Variants in RBL1 observed in about 807,000 individuals in gnomAD.
RBL1 encodes the protein retinoblastoma-like protein 1.
Under a neutral mutation model 123.0 loss-of-function variants are expected in RBL1, and 82 were observed. The observed-to-expected ratio is 0.67, with a 90% confidence interval of 0.56 to 0.80. RBL1 has a LOEUF of 0.80. Among genes scored for constraint, RBL1 ranks in the 30% least tolerant of loss-of-function variants. The probability of loss-of-function intolerance (pLI) is 0.00; values close to 1 mark genes in which losing one functional copy is unlikely to be tolerated. For synonymous variants in RBL1, 405 were observed against 441.3 expected (o/e 0.92, Z 1.03); for missense variants, 1,171 against 1,299.6 (o/e 0.90, Z 1.52).
intron 21 of RBL1, among the ~76,000 whole-genome samples, chr20:36,999,669 T>C (rs1600425864): frequency 6.6e-6 from 1 of 152,270 alleles, no homozygotes; most frequent in East Asian, 1.9e-4. Flanking sequence ...TTTTCGTATT[T>C]TTTTGGTGGA....
intron 8 of RBL1, 31 bp downstream of exon 8, chr20:37,062,053 T>C: frequency 6.3e-7 from 1 of 1,574,832 alleles, no homozygotes; most frequent in Non-Finnish European, 8.6e-7. Flanking sequence ...AAAAGATCAT[T>C]CAAGATTGAG....
At chr20:37,048,659 C>T (rs552778142) in intron 11 of RBL1, among the ~76,000 whole-genome samples, 3 of 152,198 alleles carry the variant, frequency 2.0e-5, no homozygotes, top group East Asian at 3.9e-4. Flanking sequence ...CTTTTACTGC[C>T]TCATTCACAG....
At position 37,043,647 on chromosome 20, in the gene RBL1, G is replaced by A. The variant is rs536180155; in HGVS notation, c.1770+439C>T. Among the ~76,000 whole-genome samples, 93 of 152,120 alleles carry A rather than the reference G, an allele frequency of 6.1e-4. 1 individual carries two copies. The highest frequency in any genetic ancestry group is 2.1e-3 in the African/African-American group (87 of 41,476). On this transcript the variant is annotated intron_variant, in intron 13 of 21. Transcript: ENST00000373664. ...ATCTTTGTCCACTGCACACCAGCCC[G>A]GGCAAGAGTGAAACCCCGCCTTAAA...
intron 6 of RBL1, 51 bp downstream of exon 6, chr20:37,066,673 C>A: frequency 6.6e-7 from 1 of 1,524,562 alleles, no homozygotes; most frequent in Non-Finnish European, 8.9e-7. Flanking sequence ...TTTCTTTTCA[C>A]ATTACTGGTG....
intron 21 of RBL1, among the ~76,000 whole-genome samples, chr20:36,999,657 G>A (rs1015133237): frequency 6.6e-6 from 1 of 152,196 alleles, no homozygotes; most frequent in African/African-American, 2.4e-5. Flanking sequence ...ACGCCTGACT[G>A]GTTTTCGTAT....
chr20:37,005,890 CTTTCTTTTTTT>C (rs1568814346), intron 20 of RBL1, among the ~76,000 whole-genome samples: 2 of 102,266 alleles, frequency 2.0e-5, no homozygotes, highest in African/African-American at 8.9e-5. Context: ...TTTTTTTTTT[CTTTCTTTTTTT>C]TTTTTTTTTT....
intron 18 of RBL1, among the ~76,000 whole-genome samples, chr20:37,020,368 C>A (rs1397396236): frequency 6.6e-6 from 1 of 152,018 alleles, no homozygotes; most frequent in African/African-American, 2.4e-5. Flanking sequence ...GGATTACAGG[C>A]GTGAGACACC....
chr20:37,067,920 A>G (rs907761879), intron 3 of RBL1, 66 bp downstream of exon 3: 2 of 1,523,732 alleles, frequency 1.3e-6, no homozygotes, highest in South Asian at 2.6e-5. Flanking sequence ...CAGACTTTCA[A>G]AAAAGTATAT....
rs6093785 is a variant in RBL1 at position 37,003,877 on chromosome 20, C to A, written c.2872-11G>T. On this transcript the variant is annotated splice_polypyrimidine_tract_variant and intron_variant, in intron 20 of 21. Coordinates refer to ENST00000373664, the MANE Select transcript of RBL1 (RefSeq NM_002895.5). ...TGGTGGAGCATCCATCTAAAATAAC[C>A]CAAAAGTCAGATTTTTTAGATAAAA... 7,003 of 1,576,404 alleles carry A rather than the reference C, an allele frequency of 4.4e-3. 226 individuals are homozygous for A. The African/African-American group carries it at 0.081, about 18-fold the overall frequency.
intron 2 of RBL1, among the ~76,000 whole-genome samples, chr20:37,075,300 G>A (rs1442065023): frequency 6.6e-6 from 1 of 152,076 alleles, no homozygotes; most frequent in Non-Finnish European, 1.5e-5. Context: ...ACACAACTCT[G>A]TGAAAATACA....
intron 7 of RBL1, among the ~76,000 whole-genome samples, chr20:37,062,645 CAAAAAAAAAAAA>C (rs60370479): frequency 5.0e-5 from 2 of 40,092 alleles, no homozygotes; most frequent in East Asian, 7.1e-4. Flanking sequence ...GACTCTGTCT[CAAAAAAAAAAAA>C]AAAAAAAAAA....
rs762505695 is a variant in RBL1 at position 37,007,544 on chromosome 20, G to A, written c.2738C>T (p.Thr913Ile). The change falls in exon 20 of 22, where the codon ACA becomes ATA. Residue 913 changes from threonine to isoleucine, a missense_variant. Transcript: ENST00000373664. ...TCCACTGGAACAGTCAGGTGTTTTT[G>A]TAGCATCTTCTAAGTCTGTTAAAAA... is the stretch of plus-strand genomic sequence containing the variant. ...EMIDCDLEDA[T>I]KTPDCSSGPV... The A allele has an allele frequency of 1.9e-6, 3 of 1,613,262 alleles. No individual in the cohort carries two copies. The highest frequency in any genetic ancestry group is 1.7e-6 in the Non-Finnish European group (2 of 1,179,820).
chr20:37,055,481 G>C, intron 11 of RBL1, 72 bp downstream of exon 11: 2 of 1,606,812 alleles, frequency 1.2e-6, no homozygotes. Context: ...ACGCCTTACA[G>C]AGCCTCTCAA....
intron 14 of RBL1, among the ~76,000 whole-genome samples, chr20:37,037,452 C>T (rs2064635457): frequency 6.6e-6 from 1 of 152,064 alleles, no homozygotes; most frequent in Non-Finnish European, 1.5e-5. Context: ...ACTATTCTTG[C>T]TAAGTTTTTA....
At chr20:37,031,081 A>G (rs936056849) in intron 16 of RBL1, among the ~76,000 whole-genome samples, 2 of 152,086 alleles carry the variant, frequency 1.3e-5, no homozygotes, top group African/African-American at 2.4e-5. Context: ...AAGAGCTAAA[A>G]ACTATAAAAC....
At chr20:37,077,145 C>G (rs2065377606) in intron 2 of RBL1, among the ~76,000 whole-genome samples, 2 of 152,122 alleles carry the variant, frequency 1.3e-5, no homozygotes, top group South Asian at 4.2e-4. Flanking sequence ...CCACATTGGT[C>G]AGGCTGGTCT....
chr20:37,053,593 A>G (rs2064955432), intron 11 of RBL1, among the ~76,000 whole-genome samples: 1 of 152,192 alleles, frequency 6.6e-6, no homozygotes, highest in African/African-American at 2.4e-5. Context: ...ATTTATTTCA[A>G]TGTTTAACAT....
intron 2 of RBL1, among the ~76,000 whole-genome samples, chr20:37,070,472 A>G (rs1472501847): frequency 6.6e-6 from 1 of 151,766 alleles, no homozygotes; most frequent in Non-Finnish European, 1.5e-5. Flanking sequence ...TCAATAAAAA[A>G]TAAATAAATT....
At chr20:37,013,537 A>G (rs1420439815) in intron 19 of RBL1, among the ~76,000 whole-genome samples, 1 of 150,342 alleles carries the variant, frequency 6.7e-6, no homozygotes, top group African/African-American at 2.5e-5. Flanking sequence ...CTATTGTCCT[A>G]TGACCCTGCC....
Sources: gnomAD v4.1 joint callset for allele counts (sites outside exome capture counted in the v4.1 genomes callset) on GRCh38, gnomAD v4.1.1 for gene constraint, MANE v1.5 for transcripts, NCBI Gene and HGNC (gene_info 2026-07-23, HGNC 2026-07-21) for gene names.